Variants in ZMYM4 observed in about 807,000 individuals in gnomAD.
ZMYM4 encodes the protein zinc finger MYM-type containing 4.
In ZMYM4, 31 loss-of-function variants were observed where a neutral mutation model predicts 183.2. The ratio of observed to expected loss-of-function variants is 0.17; its 90% CI spans 0.13 to 0.23. ZMYM4 has a LOEUF of 0.23. Ranked by LOEUF, ZMYM4 falls within the 10% of genes least tolerant of loss-of-function variation. The pLI, the probability that ZMYM4 is intolerant of heterozygous loss-of-function variation, is 1.00. For synonymous variants in ZMYM4, 592 were observed against 631.2 expected (o/e 0.94, Z 0.93); for missense variants, 1,273 against 1,840.3 (o/e 0.69, Z 5.64).
chr1:35,388,827 C>A, intron 13 of ZMYM4, 83 bp from the exon 14 acceptor site: 1 of 1,306,028 alleles, frequency 7.7e-7, no homozygotes, highest in Non-Finnish European at 1.1e-6. Context: ...TGAGCCACTG[C>A]ACCGGGCCTG....
At chr1:35,393,146 G>A (rs1644741776) in intron 17 of ZMYM4, among the ~76,000 whole-genome samples, 1 of 152,126 alleles carries the variant, frequency 6.6e-6, no homozygotes, top group African/African-American at 2.4e-5. Flanking sequence ...TGGAACAGTG[G>A]CATTTCTAAG....
chr1:35,389,781 A>ATATG lies in ZMYM4; in HGVS notation c.2437-166_2437-165insATGT, dbSNP rs1553179061. ...AAAAAAAAAAAAAATATATATATAT[A>ATATG]TGTGTGTGTGTGTGTGTGTGTGTGT... On this transcript the variant is annotated intron_variant, in intron 14 of 29. Coordinates refer to ENST00000314607, the MANE Select transcript of ZMYM4 (RefSeq NM_005095.3). This position sits in a 1 kb window ranked among gnomAD's most constrained non-coding sequence, Gnocchi z 4.0. Among the ~76,000 whole-genome samples, 102 of 141,474 alleles carry ATATG rather than the reference A, an allele frequency of 7.2e-4. No homozygotes were observed. The highest frequency in any genetic ancestry group is 2.6e-3 in the East Asian group (12 of 4,700). The allele number at this position is 141,474 out of a possible 152,430, so 92.8% of individuals were successfully genotyped here. A position where few individuals can be genotyped will look rare whatever the true frequency, so the allele number is the denominator to read the frequency against.
intron 7 of ZMYM4, among the ~76,000 whole-genome samples, chr1:35,379,328 T>C (rs939537718): frequency 7.9e-5 from 12 of 152,218 alleles, no homozygotes; most frequent in African/African-American, 2.9e-4. Context: ...CTGGATCTCT[T>C]GACCTTGTGA....
Position 35,281,604 on chromosome 1 carries a change from T to C in ZMYM4, c.39+12519T>C, listed in dbSNP as rs868299512. Reference sequence around the variant, plus strand: ...ACATACGTGTGTATCAAAACACCACTGTGTACCCCCTTAATTTTGTGCAAT... The same window carrying C: ...ACATACGTGTGTATCAAAACACCACCGTGTACCCCCTTAATTTTGTGCAAT... On this transcript the variant is annotated intron_variant, in intron 1 of 29. Coordinates refer to ENST00000314607, the MANE Select transcript of ZMYM4 (RefSeq NM_005095.3). Among the ~76,000 whole-genome samples the C allele has an allele frequency of 7.9e-5, 12 of 151,930 alleles. No homozygotes were observed. In the South Asian group the frequency reaches 1.7e-3, roughly 21 times the overall value.
chr1:35,327,594 G>C (rs1319807523), intron 2 of ZMYM4, among the ~76,000 whole-genome samples: 2 of 152,124 alleles, frequency 1.3e-5, no homozygotes, highest in African/African-American at 4.8e-5. Context: ...TATATCTCCT[G>C]ATCTTCAGTG....
At chr1:35,388,846 CA>C in intron 13 of ZMYM4, 63 bp from the exon 14 acceptor site, 1 of 1,502,538 alleles carries the variant, frequency 6.7e-7, no homozygotes, top group Admixed American at 1.7e-5. Context: ...TGTCCTAGGC[CA>C]TTTAAAGTTG....
chr1:35,312,061 T>C (rs1214006101), intron 1 of ZMYM4, among the ~76,000 whole-genome samples: 1 of 152,108 alleles, frequency 6.6e-6, no homozygotes, highest in Non-Finnish European at 1.5e-5. Flanking sequence ...CTGTTTTTCT[T>C]TCTTTTGGCA....
intron 1 of ZMYM4, among the ~76,000 whole-genome samples, chr1:35,322,368 A>C (rs1056675721): frequency 2.0e-5 from 3 of 152,134 alleles, no homozygotes; most frequent in Non-Finnish European, 2.9e-5. Context: ...AATCTTTTTC[A>C]TGAAGATCTC....
intron 1 of ZMYM4, among the ~76,000 whole-genome samples, chr1:35,298,010 A>G (rs1641101065): frequency 6.6e-6 from 1 of 152,244 alleles, no homozygotes; most frequent in Non-Finnish European, 1.5e-5. Context: ...ACAGAATAAC[A>G]GTAGAGGGAG....
At chr1:35,375,937 G>A (rs779848075) in intron 7 of ZMYM4, among the ~76,000 whole-genome samples, 6 of 152,118 alleles carry the variant, frequency 3.9e-5, no homozygotes, top group Admixed American at 2.0e-4. Flanking sequence ...TTAACCAACT[G>A]TGGTGCCACA....
rs1336296991 is a variant in ZMYM4, at chr1:35,384,960, A to G, written c.1570-482A>G. Among the ~76,000 whole-genome samples the G allele has an allele frequency of 6.0e-5, 9 of 148,992 alleles. No homozygotes were observed. In the East Asian group the frequency reaches 1.6e-3, roughly 26 times the overall value. On this transcript the variant is annotated intron_variant, in intron 9 of 29. Coordinates refer to ENST00000314607, the MANE Select transcript of ZMYM4 (RefSeq NM_005095.3). ...CTGGTTCACGCCATTCTCCTGCCTC[A>G]GCCTCCTGAATAGCTGGGACTACAG...
chr1:35,269,088 A>G lies in ZMYM4; in HGVS notation c.39+3A>G. The G allele has an allele frequency of 6.5e-7, 1 of 1,546,946 alleles. No homozygotes were observed. The highest frequency in any genetic ancestry group is 8.7e-7 in the Non-Finnish European group (1 of 1,145,330). On this transcript the variant is annotated splice_donor_region_variant and intron_variant, in intron 1 of 29. Coordinates refer to ENST00000314607, the MANE Select transcript of ZMYM4 (RefSeq NM_005095.3). ...TGGAGTCCGGCCCCCGAAAGAGGGT[A>G]GGTGAGGTGAGGCAGAACTCGGGCG... is the stretch of plus-strand genomic sequence containing the variant.
intron 10 of ZMYM4, among the ~76,000 whole-genome samples, 199 bp downstream of exon 10, chr1:35,385,791 A>C (rs946728910): frequency 1.2e-4 from 19 of 152,136 alleles, no homozygotes; most frequent in Non-Finnish European, 2.2e-4. Flanking sequence ...TTACCAAAAG[A>C]ATTTCATATG....
intron 1 of ZMYM4, among the ~76,000 whole-genome samples, chr1:35,294,539 A>G (rs995471377): frequency 2.0e-5 from 3 of 152,150 alleles, no homozygotes; most frequent in Non-Finnish European, 4.4e-5. Flanking sequence ...TAAATATGAT[A>G]CTGGTATGGG....
At chr1:35,399,146 C>T in intron 22 of ZMYM4, 103 bp downstream of exon 22, 1 of 1,185,186 alleles carries the variant, frequency 8.4e-7, no homozygotes, top group Non-Finnish European at 1.2e-6. Flanking sequence ...TTGATAATAA[C>T]AGTGTAATGT....
At chr1:35,417,083 A>G (rs1427685729) in intron 28 of ZMYM4, among the ~76,000 whole-genome samples, 1 of 152,144 alleles carries the variant, frequency 6.6e-6, no homozygotes, top group Non-Finnish European at 1.5e-5. Flanking sequence ...TGTTAAGAGC[A>G]GATATAGGCT....
Position 35,389,026 on chromosome 1 carries a change from G to C in ZMYM4, c.2380G>C (p.Val794Leu). ...GGTACAGAATAATTTAGGAGGGAAAGTGGAAGAGTTCTGTTGTGAAGAATG... is the reference window on the plus strand; with the variant it reads ...GGTACAGAATAATTTAGGAGGGAAACTGGAAGAGTTCTGTTGTGAAGAATG... ...KLVQNNLGGK[V>L]EEFCCEECMS... Residue 794 changes from valine (V) to leucine (L), a missense_variant, in exon 14 of 30, where the codon GTG becomes CTG. Coordinates refer to ENST00000314607, the MANE Select transcript of ZMYM4 (RefSeq NM_005095.3). This position sits in a 1 kb window ranked among gnomAD's most constrained non-coding sequence, Gnocchi z 4.0. 6.2e-7 allele frequency: 1 copy of C among 1,614,132 alleles called. No homozygotes were observed.
Position 35,418,540 on chromosome 1 carries a change from A to C in ZMYM4, c.4407A>C (p.Pro1469=). 6.2e-7 allele frequency: 1 copy of C among 1,614,178 alleles called. No homozygotes were observed. Among genetic ancestry groups the C allele is most frequent in the Non-Finnish European group, 8.5e-7 (1 of 1,180,008 alleles). ...ATACTGACAATCCACTAAGATGCCCAGTCCGACTTTATGAGTTTTACCTGT... is the reference window on the plus strand; with the variant it reads ...ATACTGACAATCCACTAAGATGCCCCGTCCGACTTTATGAGTTTTACCTGT... ...AENTDNPLRC[P]VRLYEFYLSK... is the part of the protein sequence containing the mutation. The change falls in exon 29 of 30, where the codon CCA becomes CCC. Residue 1469 remains proline (P), a synonymous_variant. Coordinates refer to ENST00000314607, the MANE Select transcript of ZMYM4 (RefSeq NM_005095.3).
At chr1:35,338,909 T>C (rs879907329) in intron 2 of ZMYM4, among the ~76,000 whole-genome samples, 13 of 152,384 alleles carry the variant, frequency 8.5e-5, no homozygotes, top group Non-Finnish European at 1.8e-4. Flanking sequence ...CTCTTATGTC[T>C]TCATAAAATC....
Sources: allele counts gnomAD v4.1 joint callset (sites outside exome capture counted in the v4.1 genomes callset), GRCh38; gene constraint gnomAD v4.1.1; non-coding constraint Gnocchi (gnomAD v3.1); transcripts MANE v1.5; gene names NCBI Gene and HGNC (gene_info 2026-07-23, HGNC 2026-07-21).